SULT1A1: variants seen among roughly 807,000 people sequenced by gnomAD.
SULT1A1 encodes sulfotransferase 1A1.
SULT1A1 carries 35 observed loss-of-function variants against 36.8 expected under a neutral mutation model. The observed-to-expected ratio is 0.95, with a 90% CI of 0.73 to 1.26. SULT1A1 has a LOEUF of 1.26. Among genes scored for constraint, SULT1A1 ranks in the 50% most tolerant of loss-of-function variants. The pLI is 0.00. For synonymous variants in SULT1A1, 119 were observed against 146.0 expected, an observed-to-expected ratio of 0.82 and a Z score of 1.33; for missense variants, 309 against 383.0, an observed-to-expected ratio of 0.81 and a Z score of 1.61.
At position 28,605,739 on chromosome 16, in the gene SULT1A1, C is replaced by G; in HGVS notation, c.*82G>C. 6.3e-7 allele frequency: 1 copy of G among 1,595,168 alleles called. No individual in the cohort carries two copies. The highest frequency in any genetic ancestry group is 8.6e-7 in the Non-Finnish European group (1 of 1,168,832). ...TACAGACATGACCTACCGTCCCGGG[C>G]CCTCAATTCATATTTTATTCTTGAG... On this transcript the variant is annotated 3_prime_UTR_variant, in exon 8 of 8. Coordinates refer to ENST00000314752, the MANE Select transcript of SULT1A1 (RefSeq NM_001055.4).
At chr16:28,619,394 A>C (rs770105275) in intron 2 of SULT1A1, among the ~76,000 whole-genome samples, 31 of 152,304 alleles carry the variant, frequency 2.0e-4, no homozygotes, top group Non-Finnish European at 4.0e-4. Flanking sequence ...AATAACTTTA[A>C]GATTTCTCTG....
At chr16:28,616,928 C>A (rs773132934) in intron 2 of SULT1A1, among the ~76,000 whole-genome samples, 13 of 152,302 alleles carry the variant, frequency 8.5e-5, no homozygotes, top group Non-Finnish European at 1.6e-4. Flanking sequence ...TACCGTGGTG[C>A]TTTACACATT....
In SULT1A1 at chr16:28,608,614, AG is replaced by A. The variant is rs748763725; in HGVS notation, c.149-12del. 9 of 1,611,542 alleles carry A rather than the reference AG, an allele frequency of 5.6e-6. No individual in the cohort carries two copies. In the African/African-American group the frequency reaches 1.2e-4, roughly 22 times the overall value. The stretch of plus-strand genomic sequence containing the variant: ...TTACCCAGGTAGTGCCTGGAGAGGG[AG>A]GGAGATGGGAGGTGAGCAGGCTGAG... On this transcript the variant is annotated splice_polypyrimidine_tract_variant and intron_variant, in intron 2 of 7. Transcript: ENST00000314752.
chr16:28,611,582 C>T (rs1234728592), upstream of SULT1A1: 8 of 152,050 alleles, frequency 5.3e-5, no homozygotes, highest in East Asian at 1.9e-4. Context: ...AGGTCAGCCC[C>T]ACACCTTGTA....
At chr16:28,609,355 C>T (rs1246551459) in intron 1 of SULT1A1, 1 of 1,290,720 alleles carries the variant, frequency 7.7e-7, no homozygotes, top group Non-Finnish European at 1.0e-6. Context: ...GGCCTGTGAT[C>T]CACTTGCCTG....
At chr16:28,618,410 A>G (rs1475303383) in intron 2 of SULT1A1, among the ~76,000 whole-genome samples, 3 of 126,434 alleles carry the variant, frequency 2.4e-5, no homozygotes, top group African/African-American at 6.1e-5. Context: ...CAGTGGCGTG[A>G]TATCGGCTTA....
Position 28,607,157 on chromosome 16 carries a change from G to A in SULT1A1, c.373-80C>T, listed in dbSNP as rs2047235503. ...CCAGCTCATCTCTTGGATTGGCAAA[G>A]GAGGAACCTGAGGCTTAGAGGCTGA... is the stretch of plus-strand genomic sequence containing the variant. On this transcript the variant is annotated intron_variant, in intron 4 of 7. Transcript: ENST00000314752. 5 of 1,589,932 alleles carry A rather than the reference G, an allele frequency of 3.1e-6. 1 individual carries two copies. In the South Asian group the frequency reaches 4.5e-5, roughly 14 times the overall value.
upstream of SULT1A1, chr16:28,610,933 T>C (rs570428883): frequency 1.3e-4 from 20 of 151,206 alleles, no homozygotes; most frequent in African/African-American, 4.9e-4. Context: ...TTCCAAGAAA[T>C]GCGTGAGTTC....
chr16:28,609,656 G>A (rs2047370898), intron 1 of SULT1A1: 1 of 384,594 alleles, frequency 2.6e-6, no homozygotes, highest in Non-Finnish European at 4.7e-6. Context: ...TACTCCAGAG[G>A]CTGAGGCAAG....
Position 28,605,690 on chromosome 16 carries a change from C to T in SULT1A1, c.*131G>A. The stretch of plus-strand genomic sequence containing the variant: ...CTCCTGGGCTCAAATGATCCTCCCA[C>T]CTCAGCCTCCAAATTGCTGGGATTA... On this transcript the variant is annotated 3_prime_UTR_variant, in exon 8 of 8. Transcript: ENST00000314752. 6.7e-7 allele frequency: 1 copy of T among 1,487,962 alleles called. No homozygotes were observed. The allele number at this position is 1,487,962 out of a possible 1,614,324, so 92.2% of individuals were successfully genotyped here.
chr16:28,606,582 G>C (rs1291033626), intron 6 of SULT1A1, among the ~76,000 whole-genome samples, 179 bp downstream of exon 6: 1 of 148,974 alleles, frequency 6.7e-6, no homozygotes, highest in Non-Finnish European at 1.5e-5. Context: ...GATGAGAGCT[G>C]TGTGGGGCCC....
chr16:28,607,139 A>G (rs537759781), intron 4 of SULT1A1, 62 bp from the exon 5 acceptor site: 2 of 1,598,272 alleles, frequency 1.3e-6, no homozygotes, highest in East Asian at 4.5e-5. Context: ...AGGCCAGCTC[A>G]TCTCTTGGAT....
rs1382153693 is a variant in SULT1A1 at position 28,605,871 on chromosome 16, A to G, written c.838T>C (p.Tyr280His). Residue 280 changes from tyrosine to histidine, a missense_variant, in exon 8 of 8, where the codon TAT (tyrosine) becomes CAT (histidine). This residue lies in a region of SULT1A1 where 67 missense variants were observed against 122.0 expected (regional missense o/e 0.55). Coordinates refer to ENST00000314752, the MANE Select transcript of SULT1A1 (RefSeq NM_001055.4). Reference protein sequence around the residue: ...VAQNERFDADYAEKMAGCSLS... With the variant: ...VAQNERFDADHAEKMAGCSLS... The stretch of plus-strand genomic sequence containing the variant: ...CTGCAGCCTGCCATCTTCTCCGCAT[A>G]GTCCGCATCGAAGCGCTCATTCTGC... 1.2e-6 allele frequency: 2 copies of G among 1,609,834 alleles called. No homozygotes were observed. The highest frequency in any genetic ancestry group is 2.2e-5 in the East Asian group (1 of 44,858).
chr16:28,609,326 A>C (rs1452524599), intron 1 of SULT1A1: 4 of 1,285,780 alleles, frequency 3.1e-6, no homozygotes, highest in Admixed American at 2.4e-5. Flanking sequence ...TCACATGTGG[A>C]AACCGCCCAG....
In SULT1A1 at chr16:28,609,952, C is replaced by T. The variant is rs1179048133; in HGVS notation, c.-26G>A. 1.6e-6 allele frequency: 2 copies of T among 1,287,900 alleles called. No homozygotes were observed. Among genetic ancestry groups the T allele is most frequent in the African/African-American group, 3.0e-5 (2 of 65,826 alleles). 79.8% of individuals were successfully genotyped at this position (1,287,900 alleles called of 1,614,324 possible). ...TCACCTGAGCTCTTGGGAACCTGGC[C>T]TCGTGCCCTCCTCGCCCGCAGTGGC... On this transcript the variant is annotated 5_prime_UTR_variant, in exon 1 of 8. Transcript: ENST00000314752.
chr16:28,610,276 T>A, upstream of SULT1A1: 1 of 1,119,274 alleles, frequency 8.9e-7, no homozygotes, highest in Non-Finnish European at 1.1e-6. Flanking sequence ...TTTTTTTTTT[T>A]TTTTTTTTTT....
chr16:28,608,518 C>T lies in SULT1A1; in HGVS notation c.234G>A (p.Arg78=), dbSNP rs776954983. The change falls in exon 3 of 8, where the codon CGG becomes CGA. Residue 78 remains arginine, a synonymous_variant. Coordinates refer to ENST00000314752, the MANE Select transcript of SULT1A1 (RefSeq NM_001055.4). ...EKCHRAPIFM[R]VPFLEFKAPG... is the part of the protein sequence containing the mutation. ...GGGCTTTGAACTCAAGGAAGGGCAC[C>T]CGCATGAAGATGGGAGCTCGGTGAC... 2 of 1,612,370 alleles carry T rather than the reference C, an allele frequency of 1.2e-6. No individual in the cohort carries two copies. The highest frequency in any genetic ancestry group is 1.7e-6 in the Non-Finnish European group (2 of 1,178,714).
chr16:28,606,636 C>G (rs2047201427), intron 6 of SULT1A1, 125 bp downstream of exon 6: 2 of 1,447,460 alleles, frequency 1.4e-6, no homozygotes, highest in Admixed American at 4.4e-5. Flanking sequence ...GCCAAGAAGG[C>G]AGGATGGGGA....
rs1596636547 is a variant in SULT1A1, at chr16:28,608,839, T to C, written c.17A>G (p.Asp6Gly). The C allele has an allele frequency of 2.5e-6, 4 of 1,611,520 alleles. No homozygotes were observed. Among genetic ancestry groups the C allele is most frequent in the Non-Finnish European group, 3.4e-6 (4 of 1,179,452 alleles). The stretch of plus-strand genomic sequence containing the variant: ...GTACTCCAGTGGCGGGCGGGAGGTG[T>C]CCTGGATCAGCTCCATGTTCCTGCG... MELIQDTSRPPLEYVK... is the reference protein window; with the variant it reads MELIQGTSRPPLEYVK... The change falls in exon 2 of 8, where the codon GAC becomes GGC. Residue 6 changes from aspartate to glycine, a missense_variant. Physicochemically the swap from Asp to Gly is moderately conservative, Grantham distance 94 (BLOSUM62 -1). Coordinates refer to ENST00000314752, the MANE Select transcript of SULT1A1 (RefSeq NM_001055.4).
Sources: gnomAD v4.1 joint callset for allele counts (sites outside exome capture counted in the v4.1 genomes callset) on GRCh38, gnomAD v4.1.1 for gene constraint, gnomAD v4.1.1 regional missense constraint, MANE v1.5 for transcripts, NCBI Gene and HGNC (gene_info 2026-07-23, HGNC 2026-07-21) for gene names.